Variants in LRIG2 observed in about 807,000 individuals in gnomAD.
LRIG2 encodes leucine-rich repeats and immunoglobulin-like domains protein 2.
A neutral mutation model predicts 107.8 loss-of-function variants in LRIG2; 93 were observed. The observed-to-expected ratio is 0.86, with a 90% CI of 0.73 to 1.03. The LOEUF is 1.03. Ranked by LOEUF, LRIG2 falls within the 50% of genes least tolerant of loss-of-function variation. LRIG2 has a pLI of 0.00. For synonymous variants in LRIG2, 471 were observed against 470.6 expected, an observed-to-expected ratio of 1.00 and a Z score of -0.01; for missense variants, 1,226 against 1,296.0, an observed-to-expected ratio of 0.95 and a Z score of 0.83.
intron 2 of LRIG2, among the ~76,000 whole-genome samples, chr1:113,092,768 A>G (rs1653884321): frequency 6.6e-6 from 1 of 152,218 alleles, no homozygotes; most frequent in Non-Finnish European, 1.5e-5. Context: ...AGGTGGGCAG[A>G]TCACCTGAGG....
chr1:113,089,043 T>C (rs1653679713), intron 1 of LRIG2, among the ~76,000 whole-genome samples: 1 of 152,242 alleles, frequency 6.6e-6, no homozygotes. Flanking sequence ...AGTTATGTCA[T>C]GGTGTAAATT....
intron 11 of LRIG2, among the ~76,000 whole-genome samples, chr1:113,104,501 A>G (rs557181835): frequency 2.0e-5 from 3 of 151,956 alleles, no homozygotes; most frequent in Admixed American, 2.0e-4. Context: ...ATGAGATTAC[A>G]CATCATGGCA....
rs774623577 is a variant in LRIG2, at chr1:113,094,668, A to C, written c.716A>C (p.Asp239Ala). 7.4e-6 allele frequency: 12 copies of C among 1,613,650 alleles called. No homozygotes were observed. The South Asian group carries it at 1.3e-4, about 18-fold the overall frequency. Residue 239 changes from aspartate to alanine, a missense_variant, in exon 6 of 18, where the codon GAC becomes GCC. By Grantham distance (126) the Asp-to-Ala change is moderately radical. Coordinates refer to ENST00000361127, the MANE Select transcript of LRIG2 (RefSeq NM_014813.3). ...IVEGLTFQGLDSLRSLKMQRN... is the reference protein window; with the variant it reads ...IVEGLTFQGLASLRSLKMQRN... Reference sequence around the variant, plus strand: ...GAAGGTCTTACATTCCAAGGGCTTGACTCCTTAAGATCTTTGAAAATGCAG... The same window carrying C: ...GAAGGTCTTACATTCCAAGGGCTTGCCTCCTTAAGATCTTTGAAAATGCAG...
At chr1:113,088,470 G>T (rs549890468) in intron 1 of LRIG2, among the ~76,000 whole-genome samples, 1 of 152,130 alleles carries the variant, frequency 6.6e-6, no homozygotes, top group South Asian at 2.1e-4. Flanking sequence ...GATTATGTGG[G>T]TCAATGATTA....
rs759934553 is a variant in LRIG2 at position 113,094,395 on chromosome 1, C to T, written c.572C>T (p.Ser191Leu). Residue 191 changes from serine to leucine, a missense_variant, in exon 5 of 18, where the codon TCA becomes TTA. Physicochemically the swap from Ser to Leu is moderately radical, Grantham distance 145. This residue lies in a region of LRIG2 where 570 missense variants were observed against 550.2 expected (regional missense o/e 1.04). Transcript: ENST00000361127. ...GAGGCTGGTTGCTTCGATAATTTATCAAGTTCCTTATTAGTGGTAAAGTTA... is the reference window on the plus strand; with the variant it reads ...GAGGCTGGTTGCTTCGATAATTTATTAAGTTCCTTATTAGTGGTAAAGTTA... ...TLEAGCFDNL[S>L]SSLLVVKLNR... is the part of the protein sequence containing the mutation. 1.9e-6 allele frequency: 3 copies of T among 1,613,008 alleles called. No individual in the cohort carries two copies. The highest frequency in any genetic ancestry group is 3.3e-5 in the Admixed American group (2 of 59,928).
chr1:113,075,955 C>G (rs974771090), intron 1 of LRIG2, among the ~76,000 whole-genome samples: 1 of 151,278 alleles, frequency 6.6e-6, no homozygotes, highest in Admixed American at 6.6e-5. Flanking sequence ...CCTCAGCCTC[C>G]CAAAGTGCTG....
intron 14 of LRIG2, among the ~76,000 whole-genome samples, chr1:113,113,993 C>T (rs955767687): frequency 3.3e-5 from 5 of 151,942 alleles, no homozygotes; most frequent in African/African-American, 9.7e-5. Flanking sequence ...CCACAAGTTG[C>T]CTTGTTATTA....
intron 11 of LRIG2, among the ~76,000 whole-genome samples, chr1:113,101,990 A>G (rs772366182): frequency 1.3e-5 from 2 of 152,192 alleles, no homozygotes; most frequent in Non-Finnish European, 2.9e-5. Flanking sequence ...CTGAAGAAAA[A>G]AAAAACTAAG....
chr1:113,073,641 A>G lies in LRIG2; in HGVS notation c.235A>G (p.Ile79Val), dbSNP rs1652814888. The G allele has an allele frequency of 6.2e-7, 1 of 1,611,922 alleles. No homozygotes were observed. The highest frequency in any genetic ancestry group is 1.1e-5 in the South Asian group (1 of 91,032). Residue 79 changes from isoleucine to valine, a missense_variant, in exon 1 of 18, where the codon ATC (isoleucine) becomes GTC (valine). Coordinates refer to ENST00000361127, the MANE Select transcript of LRIG2 (RefSeq NM_014813.3). ...GGGCTTGCTGCCCCCCGACACCGCT[A>G]TCCTGTGAGTAGAGCGGCCAGGCAG... Reference protein sequence around the residue: ...LSGLLPPDTAILDFSHNRLSN... With the variant: ...LSGLLPPDTAVLDFSHNRLSN...
At chr1:113,095,446 G>A (rs2101037420) in intron 6 of LRIG2, among the ~76,000 whole-genome samples, 1 of 151,652 alleles carries the variant, frequency 6.6e-6, no homozygotes, top group East Asian at 2.0e-4. Context: ...GTCTTGCTCT[G>A]TTGCCAGGCT....
intron 1 of LRIG2, among the ~76,000 whole-genome samples, chr1:113,085,640 ACCACAAAGCAAAAATGCTT>A (rs1308341640): frequency 6.6e-6 from 1 of 152,192 alleles, no homozygotes; most frequent in Non-Finnish European, 1.5e-5. Context: ...TTCTAGTTCA[ACCACAAAGCAAAAATGCTT>A]CCAGGAAGCA....
At chr1:113,078,749 T>C (rs1320966191) in intron 1 of LRIG2, among the ~76,000 whole-genome samples, 3 of 151,702 alleles carry the variant, frequency 2.0e-5, no homozygotes, top group Non-Finnish European at 4.4e-5. Flanking sequence ...CAAACGCTTC[T>C]CCTGCCTCAG....
chr1:113,103,619 G>T, intron 11 of LRIG2: 1 of 154,288 alleles, frequency 6.5e-6, no homozygotes, highest in Non-Finnish European at 1.5e-5. Context: ...TTACGGTGCT[G>T]TGACTCCGAT....
At chr1:113,112,835 A>G in intron 14 of LRIG2, 75 bp downstream of exon 14, 1 of 1,390,496 alleles carries the variant, frequency 7.2e-7, no homozygotes, top group Non-Finnish European at 9.7e-7. Flanking sequence ...ATGAGCAAGA[A>G]AAATAAGTTT....
intron 1 of LRIG2, among the ~76,000 whole-genome samples, chr1:113,075,610 C>T (rs1209825323): frequency 1.3e-5 from 2 of 151,636 alleles, no homozygotes; most frequent in African/African-American, 4.8e-5. Context: ...CTTGGAAGAG[C>T]TACCTGATTA....
intron 14 of LRIG2, among the ~76,000 whole-genome samples, chr1:113,114,159 C>CT (rs1439968891): frequency 6.6e-6 from 1 of 151,150 alleles, no homozygotes; most frequent in Admixed American, 6.6e-5. Flanking sequence ...TATTTTTAAT[C>CT]TTTTTTAATG....
intron 1 of LRIG2, among the ~76,000 whole-genome samples, chr1:113,084,032 TAATAA>T (rs1653419447): frequency 7.0e-6 from 1 of 143,510 alleles, no homozygotes; most frequent in Non-Finnish European, 1.5e-5. Flanking sequence ...ATAATAATAA[TAATAA>T]TAATATTGGC....
intron 12 of LRIG2, among the ~76,000 whole-genome samples, chr1:113,108,314 C>T (rs1304304554): frequency 1.3e-5 from 2 of 151,106 alleles, no homozygotes; most frequent in Non-Finnish European, 2.9e-5. Flanking sequence ...ACCTCTGCCT[C>T]CCGGGTTCAA....
At position 113,073,577 on chromosome 1, in the gene LRIG2, T is replaced by A. The variant is rs748724342; in HGVS notation, c.171T>A (p.Ser57Arg). ...CSCRIPLLDC[S>R]RRKLPAPSWR... ...GCCGCATTCCTCTCCTGGACTGCAG[T>A]CGCAGGAAATTGCCCGCACCGAGCT... Residue 57 changes from serine to arginine, a missense_variant, in exon 1 of 18, where the codon AGT (serine) becomes AGA (arginine). Transcript: ENST00000361127. 3 of 1,613,896 alleles carry A rather than the reference T, an allele frequency of 1.9e-6. No homozygotes were observed.
Sources: allele counts gnomAD v4.1 joint callset (sites outside exome capture counted in the v4.1 genomes callset), GRCh38; gene constraint gnomAD v4.1.1; regional missense constraint gnomAD v4.1.1; transcripts MANE v1.5; gene names NCBI Gene and HGNC (gene_info 2026-07-23, HGNC 2026-07-21).